Variants in NAALADL2 observed in about 807,000 individuals in gnomAD.
NAALADL2 encodes inactive N-acetylated-alpha-linked acidic dipeptidase-like protein 2.
In NAALADL2, 76 loss-of-function variants were observed where a neutral mutation model predicts 87.2. The ratio of observed to expected loss-of-function variants is 0.87; its 90% CI spans 0.72 to 1.05. The LOEUF (loss-of-function observed/expected upper bound fraction) is 1.05. Ranked by LOEUF, NAALADL2 falls within the 50% of genes least tolerant of loss-of-function variation. The pLI is 0.00. For synonymous variants in NAALADL2, 354 were observed against 331.0 expected (o/e 1.07, Z -0.75); for missense variants, 1,089 against 945.8 (o/e 1.15, Z -1.99).
chr3:175,733,914 C>T (rs1744134842), intron 11 of NAALADL2, among the ~76,000 whole-genome samples: 1 of 152,200 alleles, frequency 6.6e-6, no homozygotes, highest in Non-Finnish European at 1.5e-5. Context: ...TGTCTCACAT[C>T]CAGGTTATGC....
chr3:175,709,234 G>A (rs566596615), intron 11 of NAALADL2, among the ~76,000 whole-genome samples: 6 of 152,096 alleles, frequency 3.9e-5, no homozygotes, highest in South Asian at 2.1e-4. Context: ...TTTTTAGCTC[G>A]TGATTATTCT....
intron 2 of NAALADL2, among the ~76,000 whole-genome samples, chr3:174,640,402 T>C (rs1723052174): frequency 6.6e-6 from 1 of 152,182 alleles, no homozygotes; most frequent in Non-Finnish European, 1.5e-5. Context: ...CAGCTGTCTA[T>C]GATATCTTTA....
chr3:174,962,391 T>TGTC (rs1742194997), intron 1 of NAALADL2, among the ~76,000 whole-genome samples: 3 of 124,520 alleles, frequency 2.4e-5, no homozygotes, highest in Non-Finnish European at 3.4e-5. Flanking sequence ...TATATATATA[T>TGTC]ATATGTCATA....
chr3:175,246,065 A>G (rs994957037), intron 3 of NAALADL2, among the ~76,000 whole-genome samples: 2 of 152,194 alleles, frequency 1.3e-5, no homozygotes, highest in African/African-American at 4.8e-5. Flanking sequence ...AAAGCCACTG[A>G]GTGAACCTAA....
At position 174,453,373 on chromosome 3, in the gene NAALADL2, C is replaced by T. The variant is rs1396474723; in HGVS notation, c.-184+12341C>T. Among the ~76,000 whole-genome samples, 10 of 135,152 alleles carry T rather than the reference C, an allele frequency of 7.4e-5. No individual in the cohort carries two copies. In the South Asian group the frequency reaches 2.3e-3, roughly 32 times the overall value. 88.7% of individuals were successfully genotyped at this position (135,152 alleles called of 152,430 possible). ...TGGAAATCACATTTTGGGATATCCT[C>T]CATCTAGATAGAGAGGCCAACATTC... On this transcript the variant is annotated intron_variant, in intron 1 of 3. Transcript: ENST00000434257.
intron 5 of NAALADL2, among the ~76,000 whole-genome samples, chr3:175,383,645 T>C (rs1768039894): frequency 6.6e-6 from 1 of 151,910 alleles, no homozygotes; most frequent in Non-Finnish European, 1.5e-5. Flanking sequence ...CCAATTTGAT[T>C]CAAGGGCCCA....
chr3:174,568,658 A>G (rs1210967493), intron 2 of NAALADL2, among the ~76,000 whole-genome samples: 1 of 151,740 alleles, frequency 6.6e-6, no homozygotes, highest in Non-Finnish European at 1.5e-5. Context: ...GTATGTATAT[A>G]TATCTGGGAT....
At chr3:175,065,519 C>T (rs1166113145) in intron 1 of NAALADL2, among the ~76,000 whole-genome samples, 1 of 152,082 alleles carries the variant, frequency 6.6e-6, no homozygotes, top group Non-Finnish European at 1.5e-5. Flanking sequence ...GTATAGTAAT[C>T]CCAGTTTAAA....
At chr3:175,718,443 G>A in intron 11 of NAALADL2, 7 of 1,582,950 alleles carry the variant, frequency 4.4e-6, no homozygotes, top group East Asian at 2.2e-5. Flanking sequence ...GGTGCTTCTG[G>A]GTATTTAGGT....
chr3:174,532,819 T>G (rs2108444656), intron 1 of NAALADL2, among the ~76,000 whole-genome samples: 1 of 152,210 alleles, frequency 6.6e-6, no homozygotes, highest in Non-Finnish European at 1.5e-5. Context: ...ATCTATCACA[T>G]TAAGTTATAT....
intron 4 of NAALADL2, among the ~76,000 whole-genome samples, chr3:175,315,363 G>T (rs1403829574): frequency 6.6e-6 from 1 of 152,074 alleles, no homozygotes; most frequent in Non-Finnish European, 1.5e-5. Flanking sequence ...AACGATCCCT[G>T]TATTCATTGA....
chr3:174,685,426 T>A (rs1344636067), intron 2 of NAALADL2, among the ~76,000 whole-genome samples: 1 of 152,202 alleles, frequency 6.6e-6, no homozygotes, highest in Non-Finnish European at 1.5e-5. Context: ...GCTGTCACCA[T>A]GTTTAAGCCA....
At chr3:174,885,234 G>T (rs140970373) in intron 1 of NAALADL2, among the ~76,000 whole-genome samples, 1 of 152,042 alleles carries the variant, frequency 6.6e-6, no homozygotes, top group African/African-American at 2.4e-5. Context: ...ATTGCAGGTC[G>T]GCCACTCGCA....
intron 3 of NAALADL2, among the ~76,000 whole-genome samples, chr3:174,791,205 A>C (rs1717418841): frequency 6.6e-6 from 1 of 152,220 alleles, no homozygotes; most frequent in South Asian, 2.1e-4. Context: ...ATATGTGGGC[A>C]AACAGGACCA....
intron 1 of NAALADL2, among the ~76,000 whole-genome samples, chr3:174,525,963 T>C (rs1169585574): frequency 6.6e-6 from 1 of 152,226 alleles, no homozygotes; most frequent in East Asian, 1.9e-4. Context: ...TCATAGATTT[T>C]AATTAGTCAA....
At chr3:175,135,265 G>A (rs528274792) in intron 2 of NAALADL2, among the ~76,000 whole-genome samples, 4 of 152,122 alleles carry the variant, frequency 2.6e-5, no homozygotes, top group South Asian at 4.2e-4. Context: ...TACCTGTGAG[G>A]GGTTTATTTC....
chr3:174,940,979 T>C (rs1034132382), intron 1 of NAALADL2, among the ~76,000 whole-genome samples: 5 of 152,052 alleles, frequency 3.3e-5, no homozygotes, highest in Non-Finnish European at 7.4e-5. Context: ...ATCTATTGGA[T>C]ATTTTTTTGT....
intron 9 of NAALADL2, among the ~76,000 whole-genome samples, chr3:175,543,120 C>T (rs950784886): frequency 8.5e-5 from 13 of 152,142 alleles, no homozygotes; most frequent in Non-Finnish European, 1.2e-4. Flanking sequence ...CTCACTGTTT[C>T]ACATAAATTC....
At chr3:175,760,109 G>A (rs903961190) in intron 13 of NAALADL2, among the ~76,000 whole-genome samples, 4 of 152,112 alleles carry the variant, frequency 2.6e-5, no homozygotes, top group Non-Finnish European at 4.4e-5. Context: ...AATTTAGGAC[G>A]TGATATTTAG....
Sources: allele counts gnomAD v4.1 joint callset (sites outside exome capture counted in the v4.1 genomes callset), GRCh38; gene constraint gnomAD v4.1.1; transcripts MANE v1.5; gene names NCBI Gene and HGNC (gene_info 2026-07-23, HGNC 2026-07-21).